BACE2: variants seen among roughly 807,000 people sequenced by gnomAD.
BACE2 encodes beta-secretase 2.
In BACE2, 17 loss-of-function variants were observed where a neutral mutation model predicts 46.2. That is an observed-to-expected ratio of 0.37 (90% CI 0.25 to 0.55). BACE2 has a LOEUF of 0.55. Ranked by LOEUF, BACE2 falls within the 20% of genes least tolerant of loss-of-function variation. The probability of loss-of-function intolerance (pLI) is 0.82; values close to 1 mark genes in which losing one functional copy is unlikely to be tolerated. For synonymous variants in BACE2, 277 were observed against 295.9 expected (o/e 0.94, Z 0.66); for missense variants, 595 against 698.1 (o/e 0.85, Z 1.66).
intron 1 of BACE2, among the ~76,000 whole-genome samples, chr21:41,222,576 G>A (rs1442844358): frequency 6.6e-6 from 1 of 152,246 alleles, no homozygotes; most frequent in Non-Finnish European, 1.5e-5. Context: ...GAGTGACTCA[G>A]CAGGCCATGT....
At chr21:41,175,845 C>A (rs1259374486) in intron 1 of BACE2, 1 of 152,202 alleles carries the variant, frequency 6.6e-6, no homozygotes, top group Non-Finnish European at 1.5e-5. Context: ...ATTCCAGAAG[C>A]CTTGGAGAGA....
intron 1 of BACE2, among the ~76,000 whole-genome samples, chr21:41,173,749 A>G (rs1984688745): frequency 6.6e-6 from 1 of 152,194 alleles, no homozygotes; most frequent in Non-Finnish European, 1.5e-5. Flanking sequence ...CTGTCTCGAA[A>G]AAAAGAATTT....
chr21:41,216,953 A>T (rs1380209594), intron 1 of BACE2, among the ~76,000 whole-genome samples: 2 of 151,986 alleles, frequency 1.3e-5, no homozygotes, highest in Non-Finnish European at 2.9e-5. Flanking sequence ...TTTCTCTGAG[A>T]TGGAGTCTCG....
chr21:41,213,459 C>T (rs1436075373), intron 1 of BACE2, among the ~76,000 whole-genome samples: 1 of 152,088 alleles, frequency 6.6e-6, no homozygotes, highest in Non-Finnish European at 1.5e-5. Flanking sequence ...TATCAAACCC[C>T]ACAAATCATG....
Position 41,250,800 on chromosome 21 carries a change from T to C in BACE2, c.1033T>C (p.Trp345Arg). 1.9e-6 allele frequency: 3 copies of C among 1,614,208 alleles called. No individual in the cohort carries two copies. Among genetic ancestry groups the C allele is most frequent in the Non-Finnish European group, 2.5e-6 (3 of 1,180,032 alleles). The change falls in exon 7 of 9, where the codon TGG becomes CGG. Residue 345 changes from tryptophan to arginine, a missense_variant. This residue lies in a region of BACE2 where 343 missense variants were observed against 419.4 expected (regional missense o/e 0.82). Transcript: ENST00000330333. Reference sequence around the variant, plus strand: ...CTGGACTGGGTCCCAGCTGGCGTGCTGGACGAATTCGGAAACACCTTGGTC... The same window carrying C: ...CTGGACTGGGTCCCAGCTGGCGTGCCGGACGAATTCGGAAACACCTTGGTC... ...GFWTGSQLAC[W>R]TNSETPWSYF... is the part of the protein sequence containing the mutation.
At chr21:41,188,721 G>A (rs924453672) in intron 1 of BACE2, among the ~76,000 whole-genome samples, 5 of 152,232 alleles carry the variant, frequency 3.3e-5, no homozygotes, top group African/African-American at 1.2e-4. Context: ...ATAGATAAGA[G>A]AAACCTTAGA....
At chr21:41,272,520 G>C (rs1006903695) in intron 8 of BACE2, among the ~76,000 whole-genome samples, 2 of 149,470 alleles carry the variant, frequency 1.3e-5, no homozygotes, top group Admixed American at 1.3e-4. Flanking sequence ...CATTTCTATT[G>C]TTTTGGTTTT....
intron 3 of BACE2, 155 bp from the exon 4 acceptor site, chr21:41,241,664 T>G: frequency 1.3e-6 from 1 of 786,200 alleles, no homozygotes; most frequent in Non-Finnish European, 2.0e-6. Context: ...GCTTTCTGAA[T>G]TCCTAGACCC....
intron 1 of BACE2, 27 bp from the exon 2 acceptor site, chr21:41,226,237 ATT>A: frequency 5.7e-6 from 8 of 1,393,468 alleles, no homozygotes; most frequent in South Asian, 2.7e-5. Context: ...GATGCTTTCT[ATT>A]TTTTTTTTCT....
At chr21:41,171,797 T>C (rs919099877) in intron 1 of BACE2, among the ~76,000 whole-genome samples, 2 of 152,240 alleles carry the variant, frequency 1.3e-5, no homozygotes, top group Non-Finnish European at 2.9e-5. Context: ...TGAAAGATTT[T>C]CTGTCATCTC....
chr21:41,268,962 CT>C (rs112593590), intron 8 of BACE2, among the ~76,000 whole-genome samples: 2 of 150,968 alleles, frequency 1.3e-5, no homozygotes, highest in Admixed American at 6.6e-5. Context: ...CTTCTCTTTT[CT>C]TTTTTTTTGA....
intron 8 of BACE2, among the ~76,000 whole-genome samples, chr21:41,271,431 G>C (rs1052984816): frequency 1.3e-5 from 2 of 152,064 alleles, no homozygotes; most frequent in Non-Finnish European, 1.5e-5. Flanking sequence ...TTTACTATCT[G>C]GCCCTTTACG....
intron 8 of BACE2, among the ~76,000 whole-genome samples, chr21:41,270,712 CTT>C (rs1410795457): frequency 2.0e-5 from 3 of 152,186 alleles, no homozygotes; most frequent in Non-Finnish European, 4.4e-5. Context: ...TTTATTGAAA[CTT>C]ATTTCATTGT....
chr21:41,189,208 A>AAG (rs1985482714), intron 1 of BACE2, among the ~76,000 whole-genome samples: 1 of 151,638 alleles, frequency 6.6e-6, no homozygotes, highest in African/African-American at 2.4e-5. Flanking sequence ...AAAAAAAAAA[A>AAG]TGCTGGGCAC....
rs918952644 is a variant in BACE2, at chr21:41,281,618, G to A, written c.*5994G>A. 25 of 152,098 alleles carry A rather than the reference G, an allele frequency of 1.6e-4. No individual in the cohort carries two copies. The highest frequency in any genetic ancestry group is 3.5e-4 in the Non-Finnish European group (24 of 68,026). The allele number at this position is 152,098 out of a possible 1,614,324, so 9.4% of individuals were successfully genotyped here. ...TAAAGTAAAATTTTACACAAGCCTC[G>A]CATTTCTAAGATTAGTGTTCCTGAA... On this transcript the variant is annotated 3_prime_UTR_variant, in exon 9 of 9. Coordinates refer to ENST00000330333, the MANE Select transcript of BACE2 (RefSeq NM_012105.5).
At chr21:41,222,773 G>T (rs899183591) in intron 1 of BACE2, among the ~76,000 whole-genome samples, 8 of 152,220 alleles carry the variant, frequency 5.3e-5, no homozygotes, top group African/African-American at 1.4e-4. Context: ...CTCCTTGGAG[G>T]AGGTGAGGGG....
At chr21:41,247,081 G>T (rs781268816) in intron 6 of BACE2, among the ~76,000 whole-genome samples, 3 of 152,176 alleles carry the variant, frequency 2.0e-5, no homozygotes, top group Non-Finnish European at 4.4e-5. Context: ...CGGCCCTGGC[G>T]TGGGGCTGAT....
At chr21:41,226,458 A>G (rs575870055) in intron 2 of BACE2, 104 bp downstream of exon 2, 342 of 996,456 alleles carry the variant, frequency 3.4e-4, no homozygotes, top group Non-Finnish European at 4.9e-4. Context: ...TTTCATTTTA[A>G]GGGGGATACC....
chr21:41,221,621 C>T (rs146525431), intron 1 of BACE2, among the ~76,000 whole-genome samples: 2,923 of 152,114 alleles, frequency 0.019, 73 homozygotes, highest in African/African-American at 0.061. Context: ...GTCAGGAGAT[C>T]GAGACCATCC....
Sources: gnomAD v4.1 joint callset for allele counts (sites outside exome capture counted in the v4.1 genomes callset) on GRCh38, gnomAD v4.1.1 for gene constraint, gnomAD v4.1.1 regional missense constraint, MANE v1.5 for transcripts, NCBI Gene and HGNC (gene_info 2026-07-23, HGNC 2026-07-21) for gene names.